TBC1D5: variants seen among roughly 807,000 people sequenced by gnomAD.
TBC1D5 encodes TBC1 domain family member 5, also known as TBC1 domain family, member 5.
A neutral mutation model predicts 100.3 loss-of-function variants in TBC1D5; 75 were observed. The observed-to-expected ratio is 0.75, with a 90% CI of 0.62 to 0.91. The LOEUF is 0.91. Among genes scored for constraint, TBC1D5 ranks in the 40% least tolerant of loss-of-function variants. TBC1D5 has a pLI of 0.00. For synonymous variants in TBC1D5, 323 were observed against 325.6 expected (o/e 0.99, Z 0.09); for missense variants, 910 against 942.4 (o/e 0.97, Z 0.45).
chr3:17,732,371 T>C (rs1045980024), intron 1 of TBC1D5, among the ~76,000 whole-genome samples: 2 of 151,630 alleles, frequency 1.3e-5, no homozygotes, highest in South Asian at 2.1e-4. Flanking sequence ...TCCATCTTGG[T>C]GACACTACTC....
rs550636284 is a variant in TBC1D5 at position 17,712,855 on chromosome 3, TAGTC to T, written c.-101+26484_-101+26487del. Reference sequence around the variant, plus strand: ...TTTAAGGTGAAATAAATAAATTAAATAGTCAGTAATTCTGAGAGCAGATACCAGC... The same window carrying T: ...TTTAAGGTGAAATAAATAAATTAAATAGTAATTCTGAGAGCAGATACCAGC... On this transcript the variant is annotated intron_variant, in intron 1 of 21. Transcript: ENST00000253692. Among the ~76,000 whole-genome samples, 22 of 152,270 alleles carry T rather than the reference TAGTC, an allele frequency of 1.4e-4. No individual in the cohort carries two copies. The East Asian group carries it at 2.7e-3, about 19-fold the overall frequency.
At chr3:17,328,512 G>A (rs1042934802) in intron 13 of TBC1D5, among the ~76,000 whole-genome samples, 7 of 152,032 alleles carry the variant, frequency 4.6e-5, no homozygotes, top group African/African-American at 7.3e-5. Context: ...TGATTTGTCC[G>A]GTCATCACTG....
At chr3:17,587,406 TAATC>T (rs1361795606) in intron 2 of TBC1D5, among the ~76,000 whole-genome samples, 1 of 151,962 alleles carries the variant, frequency 6.6e-6, no homozygotes, top group Non-Finnish European at 1.5e-5. Context: ...ATGTAAAACA[TAATC>T]AATAACATGA....
intron 15 of TBC1D5, among the ~76,000 whole-genome samples, chr3:17,268,332 T>C (rs894533002): frequency 1.3e-5 from 2 of 152,166 alleles, no homozygotes; most frequent in Non-Finnish European, 2.9e-5. Context: ...ATAATATCTA[T>C]GCTATGTGTT....
intron 8 of TBC1D5, among the ~76,000 whole-genome samples, chr3:17,402,546 G>A (rs1022714639): frequency 2.6e-5 from 4 of 152,052 alleles, no homozygotes; most frequent in East Asian, 1.9e-4. Context: ...AAACTGAGAG[G>A]GAAAGATGTT....
At chr3:17,308,588 G>A (rs907856273) in intron 13 of TBC1D5, among the ~76,000 whole-genome samples, 6 of 151,982 alleles carry the variant, frequency 3.9e-5, no homozygotes, top group African/African-American at 7.2e-5. Context: ...AGAAAACTGC[G>A]TTCTCACATC....
intron 1 of TBC1D5, among the ~76,000 whole-genome samples, chr3:17,716,555 T>A (rs954188342): frequency 4.6e-5 from 7 of 152,122 alleles, no homozygotes; most frequent in African/African-American, 1.7e-4. Flanking sequence ...TACACCTTTA[T>A]CCATTAAACA....
At chr3:17,554,461 C>T (rs1279498685) in intron 2 of TBC1D5, among the ~76,000 whole-genome samples, 1 of 152,122 alleles carries the variant, frequency 6.6e-6, no homozygotes, top group African/African-American at 2.4e-5. Flanking sequence ...AAAGAAAACA[C>T]TACTGTAGGC....
exon 22 of TBC1D5, chr3:17,159,143 A>G (rs550425803): frequency 6.6e-6 from 1 of 151,782 alleles, no homozygotes; most frequent in African/African-American, 2.4e-5. Flanking sequence ...GCAATTGCCC[A>G]GTGGTTGAAG....
intron 2 of TBC1D5, among the ~76,000 whole-genome samples, chr3:17,607,695 G>T (rs2061418164): frequency 6.6e-6 from 1 of 151,342 alleles, no homozygotes; most frequent in East Asian, 1.9e-4. Context: ...CACACCATAG[G>T]CCACAGTACC....
At chr3:17,557,254 G>A (rs560309282) in intron 2 of TBC1D5, among the ~76,000 whole-genome samples, 1 of 152,078 alleles carries the variant, frequency 6.6e-6, no homozygotes, top group Admixed American at 6.5e-5. Flanking sequence ...GAAACCTTTG[G>A]CTTTATATGG....
At chr3:17,376,657 A>C (rs758400002) in intron 9 of TBC1D5, 44 bp from the exon 10 acceptor site, 1 of 1,543,480 alleles carries the variant, frequency 6.5e-7, no homozygotes, top group South Asian at 1.1e-5. Flanking sequence ...GGATACTCAG[A>C]GTCCATTAGT....
chr3:17,196,763 C>T (rs376052040), intron 18 of TBC1D5, among the ~76,000 whole-genome samples: 2 of 152,152 alleles, frequency 1.3e-5, no homozygotes, highest in African/African-American at 4.8e-5. Context: ...TAGAGTGTAA[C>T]CTTTCTATAT....
chr3:17,481,483 G>A (rs548937585), intron 3 of TBC1D5, among the ~76,000 whole-genome samples: 22 of 152,324 alleles, frequency 1.4e-4, no homozygotes, highest in African/African-American at 5.3e-4. Context: ...TTAAGCCTGT[G>A]AAGTAGAGGT....
At chr3:17,177,535 C>T (rs1308097530) in intron 19 of TBC1D5, among the ~76,000 whole-genome samples, 1 of 152,128 alleles carries the variant, frequency 6.6e-6, no homozygotes, top group Non-Finnish European at 1.5e-5. Context: ...AATATGTTAA[C>T]AGGGTTATGA....
intron 2 of TBC1D5, among the ~76,000 whole-genome samples, chr3:17,522,728 T>C (rs528456666): frequency 1.4e-4 from 22 of 152,250 alleles, no homozygotes; most frequent in African/African-American, 4.8e-4. Context: ...TTCCAATGTA[T>C]ACAATTAGGT....
At chr3:17,498,219 G>A (rs769903601) in intron 3 of TBC1D5, among the ~76,000 whole-genome samples, 1 of 151,818 alleles carries the variant, frequency 6.6e-6, no homozygotes, top group Non-Finnish European at 1.5e-5. Flanking sequence ...TTCCTTCTTA[G>A]GAAATTCAAG....
intron 3 of TBC1D5, among the ~76,000 whole-genome samples, chr3:17,433,994 T>C (rs1019134060): frequency 6.6e-6 from 1 of 152,174 alleles, no homozygotes; most frequent in Non-Finnish European, 1.5e-5. Flanking sequence ...CACATCTATG[T>C]CACACTGATA....
intron 2 of TBC1D5, among the ~76,000 whole-genome samples, chr3:17,522,993 A>G (rs1300034685): frequency 1.3e-5 from 2 of 152,210 alleles, no homozygotes; most frequent in African/African-American, 4.8e-5. Flanking sequence ...ACAAATTAGC[A>G]TCATTTGTCT....
Sources: gnomAD v4.1 joint callset for allele counts (sites outside exome capture counted in the v4.1 genomes callset) on GRCh38, gnomAD v4.1.1 for gene constraint, MANE v1.5 for transcripts, NCBI Gene and HGNC (gene_info 2026-07-23, HGNC 2026-07-21) for gene names.